CDK19: variants seen among roughly 807,000 people sequenced by gnomAD.
CDK19 encodes the protein cyclin dependent kinase 19.
In CDK19, 20 loss-of-function variants were observed where a neutral mutation model predicts 68.3. The ratio of observed to expected loss-of-function variants is 0.29; its 90% CI spans 0.21 to 0.43. The LOEUF is 0.43. Among genes scored for constraint, CDK19 ranks in the 20% least tolerant of loss-of-function variants. The pLI is 1.00. For synonymous variants in CDK19, 221 were observed against 222.8 expected (o/e 0.99, Z 0.07); for missense variants, 339 against 623.5 (o/e 0.54, Z 4.86).
intron 1 of CDK19, among the ~76,000 whole-genome samples, chr6:110,747,764 A>G (rs565784301): frequency 6.6e-6 from 1 of 152,290 alleles, no homozygotes; most frequent in East Asian, 1.9e-4. Context: ...GAAAGTTTAA[A>G]TGATCATTTT....
intron 2 of CDK19, among the ~76,000 whole-genome samples, chr6:110,704,794 T>C (rs1330176465): frequency 3.3e-5 from 5 of 152,032 alleles, no homozygotes; most frequent in African/African-American, 9.7e-5. Context: ...TGTGGGATCA[T>C]AGGCCAAGGC....
chr6:110,742,569 T>G (rs1383944281), intron 2 of CDK19, among the ~76,000 whole-genome samples: 2 of 152,126 alleles, frequency 1.3e-5, no homozygotes, highest in Non-Finnish European at 2.9e-5. Flanking sequence ...GACGTGCAAG[T>G]AGGAGAGATA....
chr6:110,628,706 G>A (rs1038236989), intron 6 of CDK19, among the ~76,000 whole-genome samples: 3 of 152,296 alleles, frequency 2.0e-5, no homozygotes, highest in South Asian at 4.1e-4. Flanking sequence ...GCTAGAAGAC[G>A]CATCAGAATG....
chr6:110,644,963 A>C (rs777966643), intron 4 of CDK19, among the ~76,000 whole-genome samples: 4 of 152,236 alleles, frequency 2.6e-5, no homozygotes, highest in Non-Finnish European at 5.9e-5. Context: ...TATGTACTTG[A>C]AAAATATATA....
chr6:110,808,420 C>T (rs2115146319), intron 1 of CDK19, among the ~76,000 whole-genome samples: 1 of 152,312 alleles, frequency 6.6e-6, no homozygotes, highest in East Asian at 1.9e-4. Flanking sequence ...TCTACTGGAA[C>T]ACAGCCATCC....
At chr6:110,731,534 C>T (rs1051064562) in intron 2 of CDK19, among the ~76,000 whole-genome samples, 1 of 152,014 alleles carries the variant, frequency 6.6e-6, no homozygotes, top group Admixed American at 6.6e-5. Flanking sequence ...GATGGTTGCA[C>T]GACGTGTGAA....
chr6:110,784,723 G>T (rs1781076538), intron 1 of CDK19, among the ~76,000 whole-genome samples: 1 of 151,984 alleles, frequency 6.6e-6, no homozygotes, highest in Non-Finnish European at 1.5e-5. Flanking sequence ...GCCTAAAAGT[G>T]GAAACAATCA....
At chr6:110,808,133 G>C (rs1447988683) in intron 1 of CDK19, among the ~76,000 whole-genome samples, 1 of 152,108 alleles carries the variant, frequency 6.6e-6, no homozygotes, top group African/African-American at 2.4e-5. Flanking sequence ...ATGGATCAGA[G>C]AATTATTTGT....
At chr6:110,767,189 C>T (rs2114977614) in intron 1 of CDK19, among the ~76,000 whole-genome samples, 1 of 151,260 alleles carries the variant, frequency 6.6e-6, no homozygotes, top group Non-Finnish European at 1.5e-5. Flanking sequence ...ATGGAAGTAC[C>T]AAGTAGAACA....
At chr6:110,618,044 C>T (rs1437981068) in intron 12 of CDK19, among the ~76,000 whole-genome samples, 2 of 151,926 alleles carry the variant, frequency 1.3e-5, no homozygotes, top group African/African-American at 4.8e-5. Context: ...AAGAAATCTC[C>T]CCCTTTTTCC....
chr6:110,753,546 ATTTT>A (rs373536633), intron 1 of CDK19, among the ~76,000 whole-genome samples: 1 of 134,340 alleles, frequency 7.4e-6, no homozygotes, highest in Non-Finnish European at 1.6e-5. Context: ...CCACACCTGG[ATTTT>A]TTTTTTTTTT....
At chr6:110,723,713 T>G (rs1214941950) in intron 2 of CDK19, among the ~76,000 whole-genome samples, 15 of 152,328 alleles carry the variant, frequency 9.8e-5, no homozygotes, top group Admixed American at 7.2e-4. Flanking sequence ...CTTTTTATAC[T>G]TCAGCTCTTA....
chr6:110,733,375 G>C (rs919558031), intron 2 of CDK19, among the ~76,000 whole-genome samples: 6 of 152,060 alleles, frequency 3.9e-5, no homozygotes, highest in African/African-American at 1.4e-4. Context: ...ATTTTCCCTT[G>C]TTTGGGGCTA....
chr6:110,765,456 ATCACGAGG>A (rs1779513233), intron 1 of CDK19, among the ~76,000 whole-genome samples: 1 of 151,976 alleles, frequency 6.6e-6, no homozygotes, highest in Non-Finnish European at 1.5e-5. Context: ...AGGCGGGTGG[ATCACGAGG>A]TCAGGAGATT....
intron 1 of CDK19, among the ~76,000 whole-genome samples, chr6:110,762,432 C>CT (rs1305738094): frequency 6.6e-6 from 1 of 152,178 alleles, no homozygotes; most frequent in Admixed American, 6.6e-5. Context: ...TCATATACCA[C>CT]TTTGTATGGT....
chr6:110,761,489 G>T (rs896075263), intron 1 of CDK19, among the ~76,000 whole-genome samples: 3 of 152,152 alleles, frequency 2.0e-5, no homozygotes, highest in Non-Finnish European at 4.4e-5. Flanking sequence ...TCGGGCAATG[G>T]GTGATGGTGA....
At chr6:110,716,882 C>T (rs1775444954) in intron 2 of CDK19, among the ~76,000 whole-genome samples, 1 of 152,112 alleles carries the variant, frequency 6.6e-6, no homozygotes, top group South Asian at 2.1e-4. Flanking sequence ...GCCTAAAATC[C>T]CAGCACTTTG....
chr6:110,645,874 T>C, intron 4 of CDK19: 1 of 711,104 alleles, frequency 1.4e-6, no homozygotes, highest in Non-Finnish European at 2.4e-6. Flanking sequence ...GAGACTATCG[T>C]AGACGAAAAC....
intron 2 of CDK19, among the ~76,000 whole-genome samples, chr6:110,683,217 G>A (rs1343673588): frequency 1.3e-5 from 2 of 150,866 alleles, no homozygotes; most frequent in Admixed American, 6.6e-5. Context: ...ACGATGCTTG[G>A]AACGAATTAA....
Sources: allele counts gnomAD v4.1 joint callset (sites outside exome capture counted in the v4.1 genomes callset), GRCh38; gene constraint gnomAD v4.1.1; transcripts MANE v1.5; gene names NCBI Gene and HGNC (gene_info 2026-07-23, HGNC 2026-07-21).